The following FGF14 variants were observed in gnomAD, a reference collection of about 807,000 sequenced individuals.
FGF14 encodes fibroblast growth factor 14, also known as fibroblast growth factor homologous factor 4.
In FGF14, 5 loss-of-function variants were observed where a neutral mutation model predicts 25.5. That is an observed-to-expected ratio of 0.20 (90% CI 0.10 to 0.41). The LOEUF (loss-of-function observed/expected upper bound fraction) is 0.41. Ranked by LOEUF, FGF14 falls within the 10% of genes least tolerant of loss-of-function variation. The pLI, the probability that FGF14 is intolerant of heterozygous loss-of-function variation, is 1.00. For missense variants in FGF14, 222 were observed against 320.1 expected, an observed-to-expected ratio of 0.69 and a Z score of 2.34; for synonymous variants, 138 against 118.3, an observed-to-expected ratio of 1.17 and a Z score of -1.08.
rs1007783489 is a variant in FGF14, at chr13:101,772,476, T to G, written c.409-45666A>C. 4.2e-4 allele frequency among the ~76,000 whole-genome samples: 64 copies of G among 152,226 alleles called. 1 individual carries two copies. Among genetic ancestry groups the G allele is most frequent in the Admixed American group, 3.9e-3 (59 of 15,254 alleles). ...ATTAATTATGTCTTGGGTTGGGTGC[T>G]CTCTTTATTTTCTTTTCTCTCAGGC... is the stretch of plus-strand genomic sequence containing the variant. On this transcript the variant is annotated intron_variant, in intron 3 of 4. Transcript: ENST00000376143.
intron 1 of FGF14, among the ~76,000 whole-genome samples, chr13:102,318,901 T>G (rs535695312): frequency 6.6e-6 from 1 of 152,172 alleles, no homozygotes; most frequent in African/African-American, 2.4e-5. Context: ...CACATGTGAG[T>G]TAAATAAACG....
At chr13:102,328,943 CA>C (rs1436070446) in intron 1 of FGF14, among the ~76,000 whole-genome samples, 4 of 152,130 alleles carry the variant, frequency 2.6e-5, no homozygotes, top group Admixed American at 2.0e-4. Flanking sequence ...CAAGCCTCAC[CA>C]CCATAATGTC....
chr13:102,235,921 A>C (rs538584315), intron 1 of FGF14, among the ~76,000 whole-genome samples: 142 of 152,368 alleles, frequency 9.3e-4, no homozygotes, highest in African/African-American at 3.2e-3. Flanking sequence ...CAGACCCAGC[A>C]AAAGTCCTGA....
At chr13:102,226,829 T>A (rs1474341355) in intron 1 of FGF14, among the ~76,000 whole-genome samples, 1 of 152,160 alleles carries the variant, frequency 6.6e-6, no homozygotes, top group Non-Finnish European at 1.5e-5. Flanking sequence ...GCCACCAGAA[T>A]TCAATTTATC....
intron 1 of FGF14, among the ~76,000 whole-genome samples, chr13:102,384,367 T>C (rs138930803): frequency 4.4e-4 from 67 of 152,306 alleles, no homozygotes; most frequent in African/African-American, 1.5e-3. Flanking sequence ...ATTTCACATA[T>C]CATTATGTCT....
chr13:101,786,393 A>G (rs544251195), intron 3 of FGF14, among the ~76,000 whole-genome samples: 1 of 152,312 alleles, frequency 6.6e-6, no homozygotes, highest in Admixed American at 6.5e-5. Context: ...ACAAAATACC[A>G]TGGTTGGAGG....
intron 1 of FGF14, among the ~76,000 whole-genome samples, chr13:102,390,818 T>A (rs181696606): frequency 6.6e-6 from 1 of 152,304 alleles, no homozygotes; most frequent in Non-Finnish European, 1.5e-5. Context: ...ATTTTAAAAA[T>A]CTAGTAAGTG....
At chr13:102,178,135 G>A (rs1431823621) in intron 1 of FGF14, among the ~76,000 whole-genome samples, 1 of 152,026 alleles carries the variant, frequency 6.6e-6, no homozygotes, top group Non-Finnish European at 1.5e-5. Flanking sequence ...CCCCACTTCA[G>A]CAGCTTGAAG....
At chr13:102,035,285 T>A (rs1194202116) in intron 1 of FGF14, among the ~76,000 whole-genome samples, 1 of 152,082 alleles carries the variant, frequency 6.6e-6, no homozygotes, top group Admixed American at 6.6e-5. Flanking sequence ...CTTTTTGTAT[T>A]TACTTATATT....
At chr13:101,841,056 C>A (rs1384517652) in intron 3 of FGF14, among the ~76,000 whole-genome samples, 1 of 151,778 alleles carries the variant, frequency 6.6e-6, no homozygotes, top group Non-Finnish European at 1.5e-5. Flanking sequence ...TGTAAGGAAC[C>A]TATGAAATCA....
At chr13:102,226,956 G>T (rs911516767) in intron 1 of FGF14, among the ~76,000 whole-genome samples, 3 of 151,780 alleles carry the variant, frequency 2.0e-5, no homozygotes, top group Admixed American at 6.6e-5. Context: ...CATCCTAGCC[G>T]GGAACATTAA....
chr13:101,814,315 G>A (rs1156263922), intron 3 of FGF14, among the ~76,000 whole-genome samples: 3 of 152,126 alleles, frequency 2.0e-5, no homozygotes, highest in African/African-American at 7.2e-5. Context: ...TGTTGGCATG[G>A]GGGTGAAAGA....
chr13:102,267,720 G>T (rs2053058002), intron 1 of FGF14, among the ~76,000 whole-genome samples: 1 of 152,060 alleles, frequency 6.6e-6, no homozygotes. Context: ...GATAATTATG[G>T]TTACAGAACC....
At chr13:102,089,387 T>C (rs1240728766) in intron 1 of FGF14, among the ~76,000 whole-genome samples, 2 of 152,172 alleles carry the variant, frequency 1.3e-5, no homozygotes, top group Non-Finnish European at 1.5e-5. Context: ...AAAGCTCCAA[T>C]GTAACAAGTA....
intron 1 of FGF14, among the ~76,000 whole-genome samples, chr13:102,091,503 C>T (rs1711830676): frequency 6.6e-6 from 1 of 152,296 alleles, no homozygotes; most frequent in Non-Finnish European, 1.5e-5. Flanking sequence ...CAGCTGAATA[C>T]AGTTTGCAAT....
chr13:102,116,513 G>C (rs958027520), intron 1 of FGF14, among the ~76,000 whole-genome samples: 4 of 152,118 alleles, frequency 2.6e-5, no homozygotes, highest in Admixed American at 6.5e-5. Flanking sequence ...CTGATGTTAT[G>C]TCACAACATA....
At chr13:102,179,015 A>G (rs1430697192) in intron 1 of FGF14, among the ~76,000 whole-genome samples, 3 of 152,114 alleles carry the variant, frequency 2.0e-5, no homozygotes, top group Non-Finnish European at 4.4e-5. Context: ...TTAAAAAAGT[A>G]AAAAGAGAAA....
chr13:101,867,082 C>G (rs1435145054), intron 3 of FGF14, among the ~76,000 whole-genome samples: 1 of 152,126 alleles, frequency 6.6e-6, no homozygotes, highest in East Asian at 1.9e-4. Context: ...GGGACTCACC[C>G]TGGGCAAATG....
intron 3 of FGF14, among the ~76,000 whole-genome samples, chr13:101,743,288 G>A: frequency 6.6e-6 from 1 of 152,154 alleles, no homozygotes; most frequent in East Asian, 1.9e-4. Flanking sequence ...GAAGAGATCT[G>A]TAATACTGTC....
Sources: allele counts gnomAD v4.1 joint callset (sites outside exome capture counted in the v4.1 genomes callset), GRCh38; gene constraint gnomAD v4.1.1; transcripts MANE v1.5; gene names NCBI Gene and HGNC (gene_info 2026-07-23, HGNC 2026-07-21).